The following COL24A1 variants were observed in gnomAD, a reference collection of about 807,000 sequenced individuals.
COL24A1 encodes the protein collagen type XXIV alpha 1 chain.
In COL24A1, 224 loss-of-function variants were observed where a neutral mutation model predicts 253.9. The ratio of observed to expected loss-of-function variants is 0.88; its 90% CI spans 0.79 to 0.99. The LOEUF (loss-of-function observed/expected upper bound fraction) is 0.99. Among genes scored for constraint, COL24A1 ranks in the 50% least tolerant of loss-of-function variants. COL24A1 has a pLI of 0.00. For missense variants in COL24A1, 2,131 were observed against 2,068.5 expected (o/e 1.03, Z -0.59); for synonymous variants, 685 against 673.7 (o/e 1.02, Z -0.26).
chr1:86,041,657 AT>A (rs1427694422), intron 12 of COL24A1, among the ~76,000 whole-genome samples: 1 of 151,814 alleles, frequency 6.6e-6, no homozygotes, highest in Non-Finnish European at 1.5e-5. Flanking sequence ...TGCCTCCCCT[AT>A]TTTTTTTAAA....
At chr1:85,813,798 G>A (rs904598451) in intron 47 of COL24A1, among the ~76,000 whole-genome samples, 2 of 151,802 alleles carry the variant, frequency 1.3e-5, no homozygotes, top group East Asian at 3.9e-4. Context: ...TGATCCGCCC[G>A]CCTCGGCCTC....
At chr1:86,027,764 C>T (rs530221668) in intron 14 of COL24A1, among the ~76,000 whole-genome samples, 2 of 152,298 alleles carry the variant, frequency 1.3e-5, no homozygotes, top group Admixed American at 1.3e-4. Flanking sequence ...AGAGGGCCAC[C>T]ATCTTCCAGA....
chr1:85,986,512 T>C (rs1456402038), intron 20 of COL24A1, among the ~76,000 whole-genome samples: 2 of 151,866 alleles, frequency 1.3e-5, no homozygotes, highest in Non-Finnish European at 3.0e-5. Context: ...TAATTTACTA[T>C]CAAAGCTAAG....
intron 39 of COL24A1, among the ~76,000 whole-genome samples, chr1:85,842,668 G>T (rs916197512): frequency 3.9e-5 from 6 of 151,936 alleles, no homozygotes; most frequent in African/African-American, 1.5e-4. Flanking sequence ...TCAGAATCCT[G>T]CTGCTCCCTA....
chr1:86,022,775 GAAAAGT>G (rs1020989729), intron 16 of COL24A1, 52 bp downstream of exon 16: 14 of 1,320,386 alleles, frequency 1.1e-5, no homozygotes, highest in African/African-American at 4.5e-5. Flanking sequence ...TGTGTTGACT[GAAAAGT>G]AAAAGACAAA....
At chr1:85,981,699 G>A (rs1343131085) in intron 20 of COL24A1, among the ~76,000 whole-genome samples, 1 of 152,126 alleles carries the variant, frequency 6.6e-6, no homozygotes, top group Non-Finnish European at 1.5e-5. Flanking sequence ...AAACAACAGA[G>A]TGAAAAGTCA....
intron 24 of COL24A1, among the ~76,000 whole-genome samples, chr1:85,916,650 G>C (rs948302995): frequency 6.6e-6 from 1 of 152,050 alleles, no homozygotes; most frequent in Non-Finnish European, 1.5e-5. Flanking sequence ...GACAGAGCAA[G>C]ACCCTGTCTC....
At chr1:86,006,787 A>C (rs559782032) in intron 19 of COL24A1, among the ~76,000 whole-genome samples, 26 of 152,272 alleles carry the variant, frequency 1.7e-4, no homozygotes, top group African/African-American at 6.0e-4. Flanking sequence ...CTGAAAACTC[A>C]ACAATTAAAA....
Position 85,896,195 on chromosome 1 carries a change from A to T in COL24A1, c.2833-130T>A, listed in dbSNP as rs140894400. 2.8e-4 allele frequency: 339 copies of T among 1,192,080 alleles called. 4 individuals carry two copies. In the East Asian group the frequency reaches 7.9e-3, roughly 28 times the overall value. 73.8% of individuals were successfully genotyped at this position (1,192,080 alleles called of 1,614,324 possible). A position where few individuals can be genotyped will look rare whatever the true frequency, so the allele number is the denominator to read the frequency against. On this transcript the variant is annotated intron_variant, in intron 29 of 59. Transcript: ENST00000370571. Reference sequence around the variant, plus strand: ...TATAGTTCATTATTGAAAAGAAAACATCTCTGCCTGTGTAGTAAAAACTTT... The same window carrying T: ...TATAGTTCATTATTGAAAAGAAAACTTCTCTGCCTGTGTAGTAAAAACTTT...
intron 57 of COL24A1, among the ~76,000 whole-genome samples, chr1:85,738,351 T>C (rs1664272593): frequency 6.6e-6 from 1 of 152,204 alleles, no homozygotes; most frequent in Non-Finnish European, 1.5e-5. Context: ...AATCATACAA[T>C]TAAATGTTTA....
intron 47 of COL24A1, among the ~76,000 whole-genome samples, chr1:85,812,470 A>C (rs1018467125): frequency 5.3e-5 from 8 of 152,214 alleles, no homozygotes; most frequent in Admixed American, 1.3e-4. Flanking sequence ...AACTCTTTCC[A>C]GTAGGTAGAA....
intron 24 of COL24A1, among the ~76,000 whole-genome samples, chr1:85,945,327 A>G (rs944744396): frequency 1.3e-5 from 2 of 151,414 alleles, no homozygotes; most frequent in Admixed American, 6.6e-5. Context: ...CCGAGAAGAG[A>G]TTCTTAAATA....
intron 7 of COL24A1, among the ~76,000 whole-genome samples, chr1:86,064,405 C>G (rs894867595): frequency 1.3e-5 from 2 of 152,016 alleles, no homozygotes; most frequent in Non-Finnish European, 2.9e-5. Context: ...AGACAATATC[C>G]TTCTTCCTCA....
intron 19 of COL24A1, among the ~76,000 whole-genome samples, chr1:85,988,399 A>G (rs993493368): frequency 5.3e-5 from 8 of 152,084 alleles, no homozygotes; most frequent in African/African-American, 1.9e-4. Context: ...GAAATGGATC[A>G]CAGTGTTAAA....
intron 28 of COL24A1, among the ~76,000 whole-genome samples, chr1:85,902,329 G>A (rs1284266386): frequency 6.6e-6 from 1 of 152,098 alleles, no homozygotes; most frequent in East Asian, 1.9e-4. Context: ...CAATGGACCT[G>A]AATAAACACA....
chr1:85,937,598 T>C (rs1471220917), intron 24 of COL24A1, among the ~76,000 whole-genome samples: 2 of 147,498 alleles, frequency 1.4e-5, no homozygotes, highest in Non-Finnish European at 3.0e-5. Context: ...ATGATGGATA[T>C]ATGAATGGAA....
intron 47 of COL24A1, among the ~76,000 whole-genome samples, chr1:85,815,238 G>T (rs957816132): frequency 6.6e-6 from 1 of 152,114 alleles, no homozygotes; most frequent in Non-Finnish European, 1.5e-5. Flanking sequence ...AATTCAAAGG[G>T]TTTTACTGTT....
At chr1:86,061,422 A>C (rs1338040152) in intron 8 of COL24A1, among the ~76,000 whole-genome samples, 1 of 152,096 alleles carries the variant, frequency 6.6e-6, no homozygotes, top group Non-Finnish European at 1.5e-5. Context: ...TCCCTTTTCC[A>C]TTCCTTTCCT....
At chr1:85,901,846 A>AAAAGAACTACC (rs1553221227) in intron 28 of COL24A1, among the ~76,000 whole-genome samples, 22 of 150,894 alleles carry the variant, frequency 1.5e-4, no homozygotes, top group Non-Finnish European at 2.7e-4. Flanking sequence ...AAAAAAAAAA[A>AAAAGAACTACC]AAAGAACTAC....
Sources: gnomAD v4.1 joint callset for allele counts (sites outside exome capture counted in the v4.1 genomes callset) on GRCh38, gnomAD v4.1.1 for gene constraint, MANE v1.5 for transcripts, NCBI Gene and HGNC (gene_info 2026-07-23, HGNC 2026-07-21) for gene names.